REC114: variants seen among roughly 807,000 people sequenced by gnomAD.
REC114 encodes the protein meiotic recombination protein REC114.
REC114 carries 27 observed loss-of-function variants against 31.3 expected under a neutral mutation model. The ratio of observed to expected loss-of-function variants is 0.86; its 90% CI spans 0.64 to 1.19. The LOEUF (loss-of-function observed/expected upper bound fraction) is 1.19, where lower values mean the gene tolerates loss of function less well. Among genes scored for constraint, REC114 ranks in the 50% most tolerant of loss-of-function variants. The pLI is 0.00. For missense variants in REC114, 344 were observed against 326.9 expected, an observed-to-expected ratio of 1.05 and a Z score of -0.40; for synonymous variants, 134 against 127.7, an observed-to-expected ratio of 1.05 and a Z score of -0.33.
intron 1 of REC114, among the ~76,000 whole-genome samples, chr15:73,464,781 C>T (rs1244239047): frequency 1.3e-5 from 2 of 152,182 alleles, no homozygotes; most frequent in African/African-American, 2.4e-5. Flanking sequence ...GGGCTCCTTG[C>T]TTAGTACCTC....
At chr15:73,552,905 C>T (rs1023143192) in intron 4 of REC114, among the ~76,000 whole-genome samples, 2 of 152,142 alleles carry the variant, frequency 1.3e-5, no homozygotes, top group African/African-American at 4.8e-5. Context: ...AACCTGGCCT[C>T]CCAGGTTCAA....
At chr15:73,449,330 C>T (rs547950634) in intron 1 of REC114, among the ~76,000 whole-genome samples, 36 of 152,176 alleles carry the variant, frequency 2.4e-4, no homozygotes, top group African/African-American at 7.5e-4. Context: ...AAAAACACAG[C>T]ACGAGAACTT....
chr15:73,447,905 C>T (rs1338780438), intron 1 of REC114, among the ~76,000 whole-genome samples: 3 of 152,038 alleles, frequency 2.0e-5, no homozygotes, highest in African/African-American at 7.2e-5. Flanking sequence ...GAATCTCCCT[C>T]CCCCAGCCAA....
chr15:73,554,932 G>GT (rs1894443480), intron 4 of REC114, among the ~76,000 whole-genome samples: 1 of 152,240 alleles, frequency 6.6e-6, no homozygotes, highest in Non-Finnish European at 1.5e-5. Flanking sequence ...AGGCTGCCTT[G>GT]TTTTTACAGA....
At chr15:73,452,931 T>C (rs890270078) in intron 1 of REC114, among the ~76,000 whole-genome samples, 1 of 152,240 alleles carries the variant, frequency 6.6e-6, no homozygotes, top group Non-Finnish European at 1.5e-5. Flanking sequence ...GCTAGCCATA[T>C]GCAGAAAGCT....
intron 2 of REC114, among the ~76,000 whole-genome samples, chr15:73,531,457 A>AT (rs1894081564): frequency 6.6e-6 from 1 of 152,210 alleles, no homozygotes; most frequent in Non-Finnish European, 1.5e-5. Context: ...GCACTTCATA[A>AT]TTTATAATGC....
At chr15:73,517,137 C>T (rs1331091758) in intron 2 of REC114, among the ~76,000 whole-genome samples, 1 of 152,100 alleles carries the variant, frequency 6.6e-6, no homozygotes, top group Non-Finnish European at 1.5e-5. Flanking sequence ...TTATGATCTT[C>T]AAGTCTTTTA....
At chr15:73,457,546 C>A (rs1392174776) in intron 1 of REC114, among the ~76,000 whole-genome samples, 2 of 152,180 alleles carry the variant, frequency 1.3e-5, no homozygotes, top group Non-Finnish European at 2.9e-5. Context: ...TGCACTCTGA[C>A]CTGGAAACTC....
At chr15:73,496,651 CAA>C (rs202054841) in intron 2 of REC114, among the ~76,000 whole-genome samples, 23 of 84,622 alleles carry the variant, frequency 2.7e-4, no homozygotes, top group Non-Finnish European at 2.8e-4. Flanking sequence ...AGACTCCATC[CAA>C]AAAAAAAAAA....
chr15:73,518,753 T>C (rs1405837603), intron 2 of REC114, among the ~76,000 whole-genome samples: 1 of 152,170 alleles, frequency 6.6e-6, no homozygotes, highest in Non-Finnish European at 1.5e-5. Flanking sequence ...AAAGAAGCCT[T>C]TGGCCCAATA....
chr15:73,444,358 T>A (rs760801383), intron 1 of REC114, among the ~76,000 whole-genome samples: 43 of 152,392 alleles, frequency 2.8e-4, no homozygotes, highest in Middle Eastern at 6.8e-3. Context: ...CACATTTTGC[T>A]GCTGCTTTAT....
chr15:73,485,399 C>G (rs1300318076), intron 2 of REC114, among the ~76,000 whole-genome samples: 2 of 152,070 alleles, frequency 1.3e-5, no homozygotes, highest in Non-Finnish European at 2.9e-5. Flanking sequence ...TAAATCAGAA[C>G]CTGTCTATTC....
intron 1 of REC114, among the ~76,000 whole-genome samples, chr15:73,469,001 C>T (rs952984188): frequency 6.6e-6 from 1 of 152,046 alleles, no homozygotes; most frequent in Non-Finnish European, 1.5e-5. Flanking sequence ...TCTCTTAAAT[C>T]AACCAGAACT....
At chr15:73,499,891 C>A (rs1169176640) in intron 2 of REC114, among the ~76,000 whole-genome samples, 1 of 152,104 alleles carries the variant, frequency 6.6e-6, no homozygotes, top group Non-Finnish European at 1.5e-5. Flanking sequence ...CCTATCCATG[C>A]TTTAAGACAC....
chr15:73,559,494 T>C (rs1035690836), intron 5 of REC114, among the ~76,000 whole-genome samples: 1 of 152,204 alleles, frequency 6.6e-6, no homozygotes, highest in African/African-American at 2.4e-5. Context: ...TGCAAACATT[T>C]CATCAGTACA....
At chr15:73,523,188 A>C (rs1480239629) in intron 2 of REC114, among the ~76,000 whole-genome samples, 1 of 152,186 alleles carries the variant, frequency 6.6e-6, no homozygotes, top group Non-Finnish European at 1.5e-5. Context: ...ATAAAAGAAA[A>C]ACTTCAGCCG....
At chr15:73,553,625 A>T (rs1309684852) in intron 4 of REC114, among the ~76,000 whole-genome samples, 1 of 152,222 alleles carries the variant, frequency 6.6e-6, no homozygotes, top group Non-Finnish European at 1.5e-5. Flanking sequence ...TTATCTAAGT[A>T]TTACAAATGC....
chr15:73,505,108 C>T (rs1266713658), intron 2 of REC114, among the ~76,000 whole-genome samples: 1 of 151,986 alleles, frequency 6.6e-6, no homozygotes, highest in Non-Finnish European at 1.5e-5. Flanking sequence ...AGTCTGTGAG[C>T]TCTTACTATG....
At chr15:73,509,262 C>G (rs1410527943) in intron 2 of REC114, among the ~76,000 whole-genome samples, 12 of 146,972 alleles carry the variant, frequency 8.2e-5, no homozygotes, top group African/African-American at 3.2e-4. Context: ...AGTGTCTGTT[C>G]ATGTCCTTCA....
Sources: allele counts gnomAD v4.1 joint callset (sites outside exome capture counted in the v4.1 genomes callset), GRCh38; gene constraint gnomAD v4.1.1; transcripts MANE v1.5; gene names NCBI Gene and HGNC (gene_info 2026-07-23, HGNC 2026-07-21).